Variants in CHP1 observed in about 807,000 individuals in gnomAD.
CHP1 encodes calcineurin B homologous protein 1.
Under a neutral mutation model 27.4 loss-of-function variants are expected in CHP1, and 11 were observed. The ratio of observed to expected loss-of-function variants is 0.40; its 90% CI spans 0.25 to 0.67. CHP1 has a LOEUF of 0.67. Among genes scored for constraint, CHP1 ranks in the 30% least tolerant of loss-of-function variants. CHP1 has a pLI of 0.38. For missense variants in CHP1, 169 were observed against 251.3 expected, an observed-to-expected ratio of 0.67 and a Z score of 2.22; for synonymous variants, 89 against 87.4, an observed-to-expected ratio of 1.02 and a Z score of -0.10.
At chr15:41,234,508 C>T (rs530558052) in intron 1 of CHP1, among the ~76,000 whole-genome samples, 1 of 152,176 alleles carries the variant, frequency 6.6e-6, no homozygotes, top group South Asian at 2.1e-4. Context: ...AAAAGCTGTG[C>T]ATTGGAATTT....
At chr15:41,254,086 C>A (rs766976481) in intron 2 of CHP1, among the ~76,000 whole-genome samples, 1 of 152,040 alleles carries the variant, frequency 6.6e-6, no homozygotes, top group Non-Finnish European at 1.5e-5. Flanking sequence ...AGCTGCCATA[C>A]CCAGCCCTCT....
chr15:41,239,832 A>T (rs563874695), intron 1 of CHP1, among the ~76,000 whole-genome samples: 88 of 151,668 alleles, frequency 5.8e-4, no homozygotes, highest in Non-Finnish European at 1.2e-3. Context: ...GCTGGAGTGC[A>T]GTGGCGCAAT....
chr15:41,261,908 C>T (rs1382245624), intron 3 of CHP1, among the ~76,000 whole-genome samples: 1 of 151,542 alleles, frequency 6.6e-6, no homozygotes. Context: ...AGGAGAATCG[C>T]TTGAACCAGG....
chr15:41,279,305 C>A, intron 6 of CHP1, 31 bp from the exon 7 acceptor site: 1 of 1,573,258 alleles, frequency 6.4e-7, no homozygotes. Context: ...TCTTCATAAC[C>A]TTTGTAACTG....
intron 3 of CHP1, 90 bp from the exon 4 acceptor site, chr15:41,262,666 C>CTAA: frequency 6.6e-7 from 1 of 1,512,094 alleles, no homozygotes; most frequent in Non-Finnish European, 9.1e-7. Context: ...TTCAGGCTAC[C>CTAA]GTAGCTAAAG....
At chr15:41,242,321 A>C (rs2047310647) in intron 1 of CHP1, among the ~76,000 whole-genome samples, 1 of 152,196 alleles carries the variant, frequency 6.6e-6, no homozygotes, top group African/African-American at 2.4e-5. Flanking sequence ...GTTTTAAAAT[A>C]GAATCTGTTT....
intron 1 of CHP1, among the ~76,000 whole-genome samples, chr15:41,232,646 A>C (rs1214663514): frequency 6.6e-6 from 1 of 152,204 alleles, no homozygotes; most frequent in African/African-American, 2.4e-5. Context: ...TGTATGATAC[A>C]ATTGTATTGA....
chr15:41,256,819 C>T, intron 2 of CHP1, 91 bp from the exon 3 acceptor site: 2 of 996,238 alleles, frequency 2.0e-6, no homozygotes, highest in Non-Finnish European at 3.2e-6. Context: ...AGGTAATATT[C>T]TTGCTAGGTT....
rs1308127936 is a variant in CHP1 at position 41,271,973 on chromosome 15, CGCCTCG to C, written c.411+1361_411+1366del. On this transcript the variant is annotated intron_variant, in intron 5 of 6. Coordinates refer to ENST00000334660, the MANE Select transcript of CHP1 (RefSeq NM_007236.5). ...CAGATCTGACCTCAGGTTATCCACC[CGCCTCG>C]GCCTCTCAAAGTGTTGGGATTACAG... is the stretch of plus-strand genomic sequence containing the variant. 8.5e-5 allele frequency among the ~76,000 whole-genome samples: 13 copies of C among 152,292 alleles called. 1 individual carries two copies. The highest frequency in any genetic ancestry group is 7.9e-4 in the Admixed American group (12 of 15,284).
intron 2 of CHP1, among the ~76,000 whole-genome samples, chr15:41,251,696 G>A (rs1324206073): frequency 6.6e-6 from 1 of 152,096 alleles, no homozygotes; most frequent in Non-Finnish European, 1.5e-5. Context: ...GCTGATCTGA[G>A]GTTGAACAGT....
At chr15:41,247,147 T>A (rs1274264957) in intron 2 of CHP1, among the ~76,000 whole-genome samples, 1 of 152,000 alleles carries the variant, frequency 6.6e-6, no homozygotes, top group African/African-American at 2.4e-5. Flanking sequence ...GGCAGGTGGA[T>A]CACTTGAGGC....
In CHP1 at chr15:41,262,653, C is replaced by G; in HGVS notation, c.222-103C>G. 5 of 1,415,024 alleles carry G rather than the reference C, an allele frequency of 3.5e-6. No homozygotes were observed. The South Asian group carries it at 3.8e-5, about 11-fold the overall frequency. The allele number at this position is 1,415,024 out of a possible 1,614,324, so 87.7% of individuals were successfully genotyped here. ...TATGGAAAGAAACCTCATTAAATGA[C>G]CTTTCAGGCTACCGTAGCTAAAGCT... On this transcript the variant is annotated intron_variant, in intron 3 of 6. Coordinates refer to ENST00000334660, the MANE Select transcript of CHP1 (RefSeq NM_007236.5).
chr15:41,267,738 C>T (rs2047468826), intron 4 of CHP1, among the ~76,000 whole-genome samples: 1 of 149,124 alleles, frequency 6.7e-6, no homozygotes, highest in Admixed American at 6.7e-5. Context: ...GCAACAGAGC[C>T]TGGGCAACAG....
intron 5 of CHP1, among the ~76,000 whole-genome samples, chr15:41,275,560 T>C (rs1415358212): frequency 6.6e-6 from 1 of 152,186 alleles, no homozygotes; most frequent in Non-Finnish European, 1.5e-5. Context: ...AATTTACTAT[T>C]GATGGATTGG....
At chr15:41,259,450 G>C (rs1296540784) in intron 3 of CHP1, among the ~76,000 whole-genome samples, 6 of 149,104 alleles carry the variant, frequency 4.0e-5, no homozygotes, top group Non-Finnish European at 8.9e-5. Flanking sequence ...CTGCGACTCT[G>C]CTTCTTGCTC....
At chr15:41,255,835 G>A (rs1381274034) in intron 2 of CHP1, among the ~76,000 whole-genome samples, 1 of 152,104 alleles carries the variant, frequency 6.6e-6, no homozygotes, top group Non-Finnish European at 1.5e-5. Flanking sequence ...GGCCAACATG[G>A]TGAAACTCCG....
Position 41,231,302 on chromosome 15 carries a change from A to C in CHP1, c.-81A>C. On this transcript the variant is annotated 5_prime_UTR_variant, in exon 1 of 7. Transcript: ENST00000334660. ...ACTGCCCTCTCCCTTCTTGACCCCT[A>C]GCCCTTCCTTCCCTCCCTCCTTCCC... is the stretch of plus-strand genomic sequence containing the variant. 2 of 1,353,340 alleles carry C rather than the reference A, an allele frequency of 1.5e-6. No homozygotes were observed. Among genetic ancestry groups the C allele is most frequent in the South Asian group, 2.5e-5 (2 of 80,020 alleles). 83.8% of individuals were successfully genotyped at this position (1,353,340 alleles called of 1,614,324 possible).
chr15:41,269,672 G>T (rs2047479209), intron 4 of CHP1, among the ~76,000 whole-genome samples: 1 of 152,150 alleles, frequency 6.6e-6, no homozygotes, highest in South Asian at 2.1e-4. Flanking sequence ...CCTAAGGACA[G>T]AGTCTAAATC....
At position 41,250,585 on chromosome 15, in the gene CHP1, A is replaced by T. The variant is rs148969262; in HGVS notation, c.141-6325A>T. Among the ~76,000 whole-genome samples the T allele has an allele frequency of 1.3e-3, 202 of 150,970 alleles. 2 individuals carry two copies. Among genetic ancestry groups the T allele is most frequent in the African/African-American group, 4.6e-3 (191 of 41,186 alleles). On this transcript the variant is annotated intron_variant, in intron 2 of 6. Transcript: ENST00000334660. ...TCCATCTCAAAAATAAATAAATAAT[A>T]AATAAATAAATAATAAAGAGGAGGA... is the stretch of plus-strand genomic sequence containing the variant.
Sources: allele counts gnomAD v4.1 joint callset (sites outside exome capture counted in the v4.1 genomes callset), GRCh38; gene constraint gnomAD v4.1.1; transcripts MANE v1.5; gene names NCBI Gene and HGNC (gene_info 2026-07-23, HGNC 2026-07-21).